Variants in SPEN observed in about 807,000 individuals in gnomAD.
SPEN encodes spen family transcriptional repressor.
In SPEN, 18 loss-of-function variants were observed where a neutral mutation model predicts 269.9. The ratio of observed to expected loss-of-function variants is 0.07; its 90% CI spans 0.05 to 0.10. The LOEUF is 0.10. Ranked by LOEUF, SPEN falls within the 10% of genes least tolerant of loss-of-function variation. The pLI is 1.00. For synonymous variants in SPEN, 1,726 were observed against 1,765.7 expected (o/e 0.98, Z 0.56); for missense variants, 3,822 against 4,631.2 (o/e 0.83, Z 5.07).
intron 3 of SPEN, among the ~76,000 whole-genome samples, chr1:15,879,025 GAAA>G (rs2070661161): frequency 8.2e-6 from 1 of 121,790 alleles, no homozygotes; most frequent in African/African-American, 3.1e-5. Context: ...AAAAAAAAAA[GAAA>G]AGAAAAGAAA....
rs569734510 is a variant in SPEN, at chr1:15,890,256, A to G, written c.881+13578A>G. Among the ~76,000 whole-genome samples, 12 of 152,272 alleles carry G rather than the reference A, an allele frequency of 7.9e-5. 1 individual carries two copies. The East Asian group carries it at 9.6e-4, about 12-fold the overall frequency. ...GTGGGAACACATTATATACAGTTCA[A>G]TAACATCAGGTTGACATTTTTATTT... On this transcript the variant is annotated intron_variant, in intron 3 of 14. Coordinates refer to ENST00000375759, the MANE Select transcript of SPEN (RefSeq NM_015001.3).
Position 15,922,902 on chromosome 1 carries a change from C to T in SPEN, c.1850+553C>T, listed in dbSNP as rs1441700524. On this transcript the variant is annotated intron_variant, in intron 10 of 14. Coordinates refer to ENST00000375759, the MANE Select transcript of SPEN (RefSeq NM_015001.3). ...GCGCTGGGATTACAGGTGTGAGCCA[C>T]CACACCTGGTCTGCTTTATGTACCA... Among the ~76,000 whole-genome samples, 6 of 152,276 alleles carry T rather than the reference C, an allele frequency of 3.9e-5. No individual in the cohort carries two copies. In the East Asian group the frequency reaches 1.2e-3, roughly 29 times the overall value.
At chr1:15,853,640 C>G (rs2070357642) in intron 1 of SPEN, among the ~76,000 whole-genome samples, 1 of 151,210 alleles carries the variant, frequency 6.6e-6, no homozygotes, top group South Asian at 2.1e-4. Context: ...ATTATAGGCG[C>G]ACACCACCAT....
In SPEN at chr1:15,935,210, G is replaced by A. The variant is rs758501724; in HGVS notation, c.8970G>A (p.Leu2990=). Residue 2990 remains leucine, a synonymous_variant, in exon 11 of 15, where the codon CTG becomes CTA. Coordinates refer to ENST00000375759, the MANE Select transcript of SPEN (RefSeq NM_015001.3). The surrounding 1 kb of genome is among the most constrained non-coding windows in gnomAD (Gnocchi z 7.7). ...TCACGCCCCACCACCCTCCTGCTCT[G>A]CCCAGCAAACTGCCTACAGAAGTCA... ...STLTPHHPPA[L]PSKLPTEVNH... 1.2e-6 allele frequency: 2 copies of A among 1,614,068 alleles called. No homozygotes were observed. Among genetic ancestry groups the A allele is most frequent in the Non-Finnish European group, 1.7e-6 (2 of 1,180,002 alleles).
chr1:15,901,328 AAAAAAAT>A (rs1243088693), intron 3 of SPEN, among the ~76,000 whole-genome samples: 3 of 151,434 alleles, frequency 2.0e-5, no homozygotes, highest in Non-Finnish European at 4.4e-5. Flanking sequence ...AAAAAAAAAT[AAAAAAAT>A]AAAAAATAAA....
At chr1:15,859,181 G>GT (rs2070416878) in intron 1 of SPEN, among the ~76,000 whole-genome samples, 1 of 119,560 alleles carries the variant, frequency 8.4e-6, no homozygotes, top group African/African-American at 3.3e-5. Context: ...GTCTGACTAT[G>GT]TTGCCCAGGC....
Position 15,931,933 on chromosome 1 carries a change from G to A in SPEN, c.5693G>A (p.Arg1898Gln), listed in dbSNP as rs2071224983. 3 of 1,614,174 alleles carry A rather than the reference G, an allele frequency of 1.9e-6. No homozygotes were observed. Among genetic ancestry groups the A allele is most frequent in the Non-Finnish European group, 2.5e-6 (3 of 1,180,018 alleles). ...CCCGAACCAAGTTTGCCTCTCAGCC[G>A]AACAAGGCGCCGGAATGTAAGGAGC... Reference protein sequence around the residue: ...EHPEPSLPLSRTRRRNVRSVY... With the variant: ...EHPEPSLPLSQTRRRNVRSVY... Residue 1898 changes from arginine (R) to glutamine (Q), a missense_variant, in exon 11 of 15, where the codon CGA becomes CAA. Around this residue, in one of 16 missense-constraint regions of SPEN, gnomAD observed 533 missense variants for 618.8 expected, o/e 0.86. Coordinates refer to ENST00000375759, the MANE Select transcript of SPEN (RefSeq NM_015001.3). The surrounding 1 kb of genome is among the most constrained non-coding windows in gnomAD (Gnocchi z 4.8).
At chr1:15,912,048 A>G (rs574415839) in intron 5 of SPEN, among the ~76,000 whole-genome samples, 139 of 152,372 alleles carry the variant, frequency 9.1e-4, no homozygotes, top group African/African-American at 3.2e-3. Flanking sequence ...ATTATGTCCA[A>G]TACAAGTTGG....
intron 1 of SPEN, among the ~76,000 whole-genome samples, chr1:15,859,737 T>G (rs2070424220): frequency 6.6e-6 from 1 of 151,890 alleles, no homozygotes; most frequent in Non-Finnish European, 1.5e-5. Context: ...GTATATTGGA[T>G]TGATTTGAAA....
In SPEN at chr1:15,932,193, A is replaced by G. The variant is rs1291918172; in HGVS notation, c.5953A>G (p.Arg1985Gly). Residue 1985 changes from arginine (R) to glycine (G), a missense_variant, in exon 11 of 15, where the codon AGG (arginine) becomes GGG (glycine). This residue lies in a region of SPEN where 533 missense variants were observed against 618.8 expected (regional missense o/e 0.86). Coordinates refer to ENST00000375759, the MANE Select transcript of SPEN (RefSeq NM_015001.3). This position sits in a 1 kb window ranked among gnomAD's most constrained non-coding sequence, Gnocchi z 4.2. ...LKPPEGWRSPRSQKTAAGGGP... is the reference protein window; with the variant it reads ...LKPPEGWRSPGSQKTAAGGGP... ...GCCACCTGAGGGATGGCGGTCGCCAAGGTCCCAGAAAACTGCAGCTGGTGG... is the reference window on the plus strand; with the variant it reads ...GCCACCTGAGGGATGGCGGTCGCCAGGGTCCCAGAAAACTGCAGCTGGTGG... 2 of 1,612,228 alleles carry G rather than the reference A, an allele frequency of 1.2e-6. No individual in the cohort carries two copies. Among genetic ancestry groups the G allele is most frequent in the East Asian group, 2.2e-5 (1 of 44,864 alleles).
Position 15,933,256 on chromosome 1 carries a change from G to A in SPEN, c.7016G>A (p.Arg2339His). 7 of 1,614,122 alleles carry A rather than the reference G, an allele frequency of 4.3e-6. No homozygotes were observed. The highest frequency in any genetic ancestry group is 5.9e-6 in the Non-Finnish European group (7 of 1,180,040). ...DKGRQKTTRS[R>H]RKRNTNKKVV... The stretch of plus-strand genomic sequence containing the variant: ...GGGCGCCAGAAAACAACCCGATCAC[G>A]CCGCAAGCGAAACACAAACAAGAAA... Residue 2339 changes from arginine to histidine, a missense_variant, in exon 11 of 15, where the codon CGC (arginine) becomes CAC (histidine). Physicochemically the swap from Arg to His is conservative, Grantham distance 29. Transcript: ENST00000375759. The surrounding 1 kb of genome is among the most constrained non-coding windows in gnomAD (Gnocchi z 5.7).
At chr1:15,914,220 T>G (rs905884088) in intron 5 of SPEN, among the ~76,000 whole-genome samples, 2 of 152,162 alleles carry the variant, frequency 1.3e-5, no homozygotes, top group Admixed American at 1.3e-4. Flanking sequence ...GAGCCATCAG[T>G]CTGGACTCAG....
rs748014641 is a variant in SPEN at position 15,937,624 on chromosome 1, G to A, written c.10488G>A (p.Val3496=). 6.2e-7 allele frequency: 1 copy of A among 1,613,528 alleles called. No individual in the cohort carries two copies. Among genetic ancestry groups the A allele is most frequent in the South Asian group, 1.1e-5 (1 of 91,078 alleles). Residue 3496 remains valine, a synonymous_variant, in exon 12 of 15, where the codon GTG becomes GTA. Transcript: ENST00000375759. This position sits in a 1 kb window ranked among gnomAD's most constrained non-coding sequence, Gnocchi z 5.7. ...CACACCTGACTTCCCAGAGACCCGT[G>A]GATATGGTTCAACTTCTGAAGGTAA... ...SSPHLTSQRP[V]DMVQLLKKYP...
intron 3 of SPEN, among the ~76,000 whole-genome samples, chr1:15,879,253 A>C (rs2070663925): frequency 6.6e-6 from 1 of 152,090 alleles, no homozygotes; most frequent in African/African-American, 2.4e-5. Flanking sequence ...AGGCAGAAGA[A>C]TAGCTTGAGC....
At chr1:15,855,368 C>T (rs1012422377) in intron 1 of SPEN, among the ~76,000 whole-genome samples, 2 of 151,870 alleles carry the variant, frequency 1.3e-5, no homozygotes, top group African/African-American at 2.4e-5. Context: ...TTTATAGTTT[C>T]TTTGATTCTT....
In SPEN at chr1:15,935,316, C is replaced by T; in HGVS notation, c.9076C>T (p.Pro3026Ser). The change falls in exon 11 of 15, where the codon CCT becomes TCT. Residue 3026 changes from proline to serine, a missense_variant. By Grantham distance (74) the Pro-to-Ser change is moderately conservative (BLOSUM62 -1). This residue lies in a region of SPEN where 94 missense variants were observed against 90.4 expected (regional missense o/e 1.04). Coordinates refer to ENST00000375759, the MANE Select transcript of SPEN (RefSeq NM_015001.3). The surrounding 1 kb of genome is among the most constrained non-coding windows in gnomAD (Gnocchi z 7.7). ...LAAAKLDAHSPRPSGPGPSSF... is the reference protein window; with the variant it reads ...LAAAKLDAHSSRPSGPGPSSF... Reference sequence around the variant, plus strand: ...AGCTGCAAAGCTAGATGCTCATTCTCCTCGACCAAGTGGACCCGGGCCATC... The same window carrying T: ...AGCTGCAAAGCTAGATGCTCATTCTTCTCGACCAAGTGGACCCGGGCCATC... The T allele has an allele frequency of 6.2e-7, 1 of 1,614,156 alleles. No homozygotes were observed. Among genetic ancestry groups the T allele is most frequent in the Non-Finnish European group, 8.5e-7 (1 of 1,180,030 alleles).
chr1:15,853,690 G>T (rs2070358335), intron 1 of SPEN, among the ~76,000 whole-genome samples: 1 of 150,970 alleles, frequency 6.6e-6, no homozygotes, highest in South Asian at 2.1e-4. Context: ...TTGAGACGGA[G>T]TCTCACTCTG....
rs1246726471 is a variant in SPEN, at chr1:15,934,862, T to C, written c.8622T>C (p.Pro2874=). 6.2e-7 allele frequency: 1 copy of C among 1,614,182 alleles called. No homozygotes were observed. Among genetic ancestry groups the C allele is most frequent in the Admixed American group, 1.7e-5 (1 of 60,020 alleles). ...SQPPSKGPQA[P]AGYANVATHS... ...CTCCATCCAAAGGCCCTCAAGCTCC[T>C]GCAGGCTATGCGAACGTGGCCACCC... Residue 2874 remains proline (P), a synonymous_variant, in exon 11 of 15, where the codon CCT becomes CCC. Coordinates refer to ENST00000375759, the MANE Select transcript of SPEN (RefSeq NM_015001.3). This position sits in a 1 kb window ranked among gnomAD's most constrained non-coding sequence, Gnocchi z 9.2.
chr1:15,938,453 C>T, intron 13 of SPEN: 1 of 372,160 alleles, frequency 2.7e-6, no homozygotes, highest in East Asian at 5.5e-5. Context: ...GAAGGGTCCA[C>T]TATGCTTCTA....
Sources: gnomAD v4.1 joint callset for allele counts (sites outside exome capture counted in the v4.1 genomes callset) on GRCh38, gnomAD v4.1.1 for gene constraint, gnomAD v4.1.1 regional missense constraint, Gnocchi (gnomAD v3.1) non-coding constraint, MANE v1.5 for transcripts, NCBI Gene and HGNC (gene_info 2026-07-23, HGNC 2026-07-21) for gene names.